KIF6: variants seen among roughly 807,000 people sequenced by gnomAD.
KIF6 encodes kinesin-like protein KIF6.
KIF6 carries 106 observed loss-of-function variants against 112.7 expected under a neutral mutation model. The ratio of observed to expected loss-of-function variants is 0.94; its 90% CI spans 0.80 to 1.11. The LOEUF (loss-of-function observed/expected upper bound fraction) is 1.11, where lower values mean the gene tolerates loss of function less well. Ranked by LOEUF, KIF6 falls within the 50% of genes least tolerant of loss-of-function variation. The pLI is 0.00. For synonymous variants in KIF6, 339 were observed against 339.9 expected (o/e 1.00, Z 0.03); for missense variants, 929 against 964.0 (o/e 0.96, Z 0.48).
chr6:39,461,399 C>T (rs1337820543), intron 13 of KIF6, among the ~76,000 whole-genome samples: 1 of 152,122 alleles, frequency 6.6e-6, no homozygotes, highest in African/African-American at 2.4e-5. Flanking sequence ...CCTTTACCTT[C>T]CTCTCACTCT....
At chr6:39,717,836 T>G (rs2113890185) in intron 2 of KIF6, among the ~76,000 whole-genome samples, 1 of 152,362 alleles carries the variant, frequency 6.6e-6, no homozygotes, top group South Asian at 2.1e-4. Context: ...TATTAATTTT[T>G]AATTTTGAAT....
rs1341321423 is a variant in KIF6 at position 39,540,696 on chromosome 6, A to C, written c.1427-475T>G. 3.3e-5 allele frequency among the ~76,000 whole-genome samples: 5 copies of C among 152,266 alleles called. No homozygotes were observed. The South Asian group carries it at 6.2e-4, about 19-fold the overall frequency. The stretch of plus-strand genomic sequence containing the variant: ...CCCGGCTGGCAGATCAGCCGTCTTC[A>C]TCCTGGCGGCCGGTGCGGTGACAAA... On this transcript the variant is annotated intron_variant, in intron 12 of 22. Transcript: ENST00000287152.
intron 13 of KIF6, among the ~76,000 whole-genome samples, chr6:39,506,152 C>G (rs1776416014): frequency 1.3e-5 from 2 of 152,186 alleles, no homozygotes; most frequent in Admixed American, 6.5e-5. Context: ...CACATATACA[C>G]CATGGAATAC....
At chr6:39,614,494 T>C (rs1459307527) in intron 5 of KIF6, among the ~76,000 whole-genome samples, 1 of 152,170 alleles carries the variant, frequency 6.6e-6, no homozygotes, top group Non-Finnish European at 1.5e-5. Flanking sequence ...ATCTTTCCCT[T>C]TTGTAAGAAA....
chr6:39,517,269 G>A (rs1332135553), intron 13 of KIF6, among the ~76,000 whole-genome samples: 2 of 152,178 alleles, frequency 1.3e-5, no homozygotes, highest in East Asian at 3.8e-4. Context: ...ATTTTGGGCA[G>A]AGCACCCCCA....
At position 39,420,078 on chromosome 6, in the gene KIF6, A is replaced by G. The variant is rs1371168801; in HGVS notation, c.1755-75T>C. ...ATGTTTTAAAAATAATAGATTTCTT[A>G]GAGGTCACTAAAATATGATGAAACT... On this transcript the variant is annotated intron_variant, in intron 14 of 22. Coordinates refer to ENST00000287152, the MANE Select transcript of KIF6 (RefSeq NM_145027.6). The G allele has an allele frequency of 4.9e-6, 5 of 1,011,594 alleles. No homozygotes were observed. The Admixed American group carries it at 9.7e-5, about 20-fold the overall frequency. The allele number at this position is 1,011,594 out of a possible 1,614,324, so 62.7% of individuals were successfully genotyped here. A position where few individuals can be genotyped will look rare whatever the true frequency, so the allele number is the denominator to read the frequency against.
intron 13 of KIF6, among the ~76,000 whole-genome samples, chr6:39,441,981 T>A (rs1456778856): frequency 6.6e-6 from 1 of 151,892 alleles, no homozygotes; most frequent in Non-Finnish European, 1.5e-5. Flanking sequence ...GAAGGGAAAA[T>A]CTGAAGTGGA....
chr6:39,497,481 T>G (rs1245281195), intron 13 of KIF6, among the ~76,000 whole-genome samples: 1 of 152,296 alleles, frequency 6.6e-6, no homozygotes, highest in Non-Finnish European at 1.5e-5. Context: ...GCAGATGGTT[T>G]GTGTGGAAAG....
rs1438412397 is a variant in KIF6, at chr6:39,332,113, T to C, written c.*4419A>G. 2.0e-5 allele frequency: 3 copies of C among 151,940 alleles called. No homozygotes were observed. The highest frequency in any genetic ancestry group is 7.3e-5 in the African/African-American group (3 of 41,368). The allele number at this position is 151,940 out of a possible 1,614,324, so 9.4% of individuals were successfully genotyped here. On this transcript the variant is annotated 3_prime_UTR_variant, in exon 23 of 23. Transcript: ENST00000287152. ...AGGTACGCAACACCATGCCCGGCTA[T>C]TTTTTGTATTTTTAGTAGAGACGGG... is the stretch of plus-strand genomic sequence containing the variant.
chr6:39,361,749 T>TTC (rs1765164027), intron 17 of KIF6, among the ~76,000 whole-genome samples: 1 of 132,646 alleles, frequency 7.5e-6, no homozygotes, highest in Admixed American at 8.4e-5. Flanking sequence ...GACCAGCGCC[T>TTC]GGGGCTTTGA....
At chr6:39,412,269 A>T (rs1769535834) in intron 15 of KIF6, among the ~76,000 whole-genome samples, 1 of 152,194 alleles carries the variant, frequency 6.6e-6, no homozygotes, top group Non-Finnish European at 1.5e-5. Context: ...ATGGGTTGTT[A>T]CTCAGATAAC....
chr6:39,429,196 G>T (rs552645292), intron 14 of KIF6, among the ~76,000 whole-genome samples: 1 of 152,288 alleles, frequency 6.6e-6, no homozygotes, highest in East Asian at 1.9e-4. Flanking sequence ...CCCTCATTGC[G>T]GTTTGCTTTT....
At chr6:39,510,094 C>CTTTTTT (rs70984130) in intron 13 of KIF6, among the ~76,000 whole-genome samples, 1 of 131,558 alleles carries the variant, frequency 7.6e-6, no homozygotes, top group East Asian at 2.2e-4. Flanking sequence ...CTTTTCTTTT[C>CTTTTTT]TTTTTTTTTT....
In KIF6 at chr6:39,343,003, T is replaced by C. The variant is rs1002508409; in HGVS notation, c.2428+706A>G. On this transcript the variant is annotated intron_variant, in intron 22 of 22. Coordinates refer to ENST00000287152, the MANE Select transcript of KIF6 (RefSeq NM_145027.6). This position sits in a 1 kb window ranked among gnomAD's most constrained non-coding sequence, Gnocchi z 4.1. ...AGCCTGCCTAGTAGCCTTTGGGTTA[T>C]GGGGAGGAGGCTAAGACAAAATGCA... 6 of 985,224 alleles carry C rather than the reference T, an allele frequency of 6.1e-6. No homozygotes were observed. Among genetic ancestry groups the C allele is most frequent in the African/African-American group, 1.7e-5 (1 of 57,204 alleles). The allele number at this position is 985,224 out of a possible 1,614,324, so 61.0% of individuals were successfully genotyped here. A position where few individuals can be genotyped will look rare whatever the true frequency, so the allele number is the denominator to read the frequency against.
At chr6:39,393,324 A>G (rs994556938) in intron 15 of KIF6, among the ~76,000 whole-genome samples, 1 of 152,224 alleles carries the variant, frequency 6.6e-6, no homozygotes, top group African/African-American at 2.4e-5. Flanking sequence ...CAGCTGGGCC[A>G]CTTACTGTGT....
rs956593961 is a variant in KIF6, at chr6:39,646,969, A to C, written c.252-7212T>G. Among the ~76,000 whole-genome samples the C allele has an allele frequency of 4.6e-5, 7 of 152,210 alleles. No homozygotes were observed. In the East Asian group the frequency reaches 1.3e-3, roughly 29 times the overall value. On this transcript the variant is annotated intron_variant, in intron 3 of 22. Transcript: ENST00000287152. ...TCTCAATCCCTCATAAGCAGTCCCA[A>C]GGGGCAACTGGATCTTTTATAGAGA...
intron 5 of KIF6, among the ~76,000 whole-genome samples, chr6:39,627,773 T>G (rs375781161): frequency 6.6e-6 from 1 of 152,172 alleles, no homozygotes; most frequent in African/African-American, 2.4e-5. Context: ...TGGAATATGC[T>G]TCCCTATTTA....
At chr6:39,584,576 T>C (rs1299845912) in intron 9 of KIF6, among the ~76,000 whole-genome samples, 1 of 152,052 alleles carries the variant, frequency 6.6e-6, no homozygotes, top group Non-Finnish European at 1.5e-5. Flanking sequence ...CTGCATGTCT[T>C]TGAAGTGAAA....
At chr6:39,677,779 G>A (rs1349946458) in intron 3 of KIF6, among the ~76,000 whole-genome samples, 2 of 126,482 alleles carry the variant, frequency 1.6e-5, no homozygotes, top group African/African-American at 3.0e-5. Context: ...GAGAATATGC[G>A]GTGTTTGGTT....
Sources: gnomAD v4.1 joint callset for allele counts (sites outside exome capture counted in the v4.1 genomes callset) on GRCh38, gnomAD v4.1.1 for gene constraint, Gnocchi (gnomAD v3.1) non-coding constraint, MANE v1.5 for transcripts, NCBI Gene and HGNC (gene_info 2026-07-23, HGNC 2026-07-21) for gene names.